ARHGAP45: variants seen among roughly 807,000 people sequenced by gnomAD.
The protein encoded by ARHGAP45 is Rho GTPase activating protein 45, also known as rho GTPase-activating protein 45.
A neutral mutation model predicts 116.1 loss-of-function variants in ARHGAP45; 56 were observed. The ratio of observed to expected loss-of-function variants is 0.48; its 90% confidence interval spans 0.39 to 0.60. The LOEUF is 0.60. ARHGAP45 is among the 20% of genes least tolerant of loss of function. ARHGAP45 has a pLI of 0.00. For missense variants in ARHGAP45, 1,622 were observed against 1,601.0 expected (o/e 1.01, Z -0.22); for synonymous variants, 866 against 701.7 (o/e 1.23, Z -3.70).
At position 1,073,949 on chromosome 19, in the gene ARHGAP45, C is replaced by G. The variant is rs745497349; in HGVS notation, c.725C>G (p.Ser242Cys). Reference sequence around the variant, plus strand: ...CTCACCTGCGTCTCCGTCCTACAGTCCATGGAAAGCCTGTATGGACCGGGC... The same window carrying G: ...CTCACCTGCGTCTCCGTCCTACAGTGCATGGAAAGCCTGTATGGACCGGGC... ...LAVPPGDSSQ[S>C]MESLYGPGSE... The change falls in exon 6 of 23, where the codon TCC (serine) becomes TGC (cysteine). Residue 242 changes from serine to cysteine, a missense_variant and splice_region_variant. Coordinates refer to ENST00000313093, the MANE Select transcript of ARHGAP45 (RefSeq NM_012292.5). The G allele has an allele frequency of 4.5e-5, 71 of 1,573,478 alleles. No homozygotes were observed. The highest frequency in any genetic ancestry group is 5.9e-5 in the Non-Finnish European group (68 of 1,160,412).
intron 7 of ARHGAP45, 35 bp downstream of exon 7, chr19:1,074,276 G>T: frequency 6.2e-7 from 1 of 1,612,088 alleles, no homozygotes. Flanking sequence ...TGGGTCTGGA[G>T]GGAGGGGGTT....
intron 10 of ARHGAP45, chr19:1,077,328 G>T: frequency 1.0e-6 from 1 of 985,072 alleles, no homozygotes; most frequent in Non-Finnish European, 1.2e-6. Context: ...GGGCACACAG[G>T]ACACCCATTT....
Position 1,082,950 on chromosome 19 carries a change from C to T in ARHGAP45, c.2628C>T (p.Asp876=), listed in dbSNP as rs371530374. The T allele has an allele frequency of 7.4e-4, 1,164 of 1,574,256 alleles. 24 individuals are homozygous for T. In the South Asian group the frequency reaches 0.013, roughly 17 times the overall value. ...EAKAASRGRQ[D]GSESEAVAVA... is the part of the protein sequence containing the mutation. Reference sequence around the variant, plus strand: ...AGGCGGCGTCCCGGGGCCGGCAGGACGGCTCGGAGAGCGAGGCAGTGGCGG... The same window carrying T: ...AGGCGGCGTCCCGGGGCCGGCAGGATGGCTCGGAGAGCGAGGCAGTGGCGG... The change falls in exon 20 of 23, where the codon GAC becomes GAT. Residue 876 remains aspartate (D), a synonymous_variant. Coordinates refer to ENST00000313093, the MANE Select transcript of ARHGAP45 (RefSeq NM_012292.5).
rs2043197593 is a variant in ARHGAP45, at chr19:1,074,361, G to C, written c.947G>C (p.Gly316Ala). ...RTTLEMEFAK[G>A]LQKIAHNCRQ... Reference sequence around the variant, plus strand: ...CCCGCAGAGATGGAGTTTGCCAAGGGCCTGCAGAAGATCGCTCACAACTGC... The same window carrying C: ...CCCGCAGAGATGGAGTTTGCCAAGGCCCTGCAGAAGATCGCTCACAACTGC... The change falls in exon 8 of 23, where the codon GGC (glycine) becomes GCC (alanine). Residue 316 changes from glycine to alanine, a missense_variant. Transcript: ENST00000313093. 4 of 1,606,706 alleles carry C rather than the reference G, an allele frequency of 2.5e-6. No individual in the cohort carries two copies. The highest frequency in any genetic ancestry group is 2.5e-6 in the Non-Finnish European group (3 of 1,176,746).
At chr19:1,067,959 G>C (rs11670156) in intron 1 of ARHGAP45, among the ~76,000 whole-genome samples, 2 of 144,798 alleles carry the variant, frequency 1.4e-5, no homozygotes, top group South Asian at 4.8e-4. Context: ...AAAGCTGGGG[G>C]GGGGGTCTAC....
intron 22 of ARHGAP45, among the ~76,000 whole-genome samples, chr19:1,084,953 GCA>G (rs911873987): frequency 6.6e-6 from 1 of 152,090 alleles, no homozygotes; most frequent in African/African-American, 2.4e-5. Context: ...GTGGTGGAGG[GCA>G]CCTGTAATCC....
At chr19:1,079,036 T>C (rs959382994) in intron 11 of ARHGAP45, among the ~76,000 whole-genome samples, 45 of 151,222 alleles carry the variant, frequency 3.0e-4, no homozygotes, top group Admixed American at 5.3e-4. Context: ...AAAAATTAGC[T>C]GGGCGTAGTG....
rs2043391142 is a variant in ARHGAP45, at chr19:1,080,251, C to T, written c.1704-4C>T. 6.2e-7 allele frequency: 1 copy of T among 1,612,548 alleles called. No homozygotes were observed. Among genetic ancestry groups the T allele is most frequent in the South Asian group, 1.1e-5 (1 of 91,060 alleles). On this transcript the variant is annotated splice_polypyrimidine_tract_variant and splice_region_variant and intron_variant, in intron 13 of 22. Coordinates refer to ENST00000313093, the MANE Select transcript of ARHGAP45 (RefSeq NM_012292.5). ...CCCCTCCTTTTCCCGGTTTCTTCCACTAGGTCCCCCGTCATGCGTGCCCGG... is the reference window on the plus strand; with the variant it reads ...CCCCTCCTTTTCCCGGTTTCTTCCATTAGGTCCCCCGTCATGCGTGCCCGG...
chr19:1,080,416 T>G (rs1187411032), intron 14 of ARHGAP45, 37 bp downstream of exon 14: 1 of 1,609,920 alleles, frequency 6.2e-7, no homozygotes, highest in Non-Finnish European at 8.5e-7. Context: ...GGACGCTGGC[T>G]CCCTGCGACC....
At chr19:1,067,634 G>T (rs1013981455) in intron 1 of ARHGAP45, 139 bp downstream of exon 1, 1 of 848,108 alleles carries the variant, frequency 1.2e-6, no homozygotes, top group African/African-American at 1.7e-5. Flanking sequence ...GGACGGCAGG[G>T]GCCACAGCAG....
chr19:1,085,635 C>T (rs922243622), intron 22 of ARHGAP45, 25 bp from the exon 23 acceptor site: 2 of 1,486,492 alleles, frequency 1.3e-6, no homozygotes, highest in East Asian at 2.4e-5. Context: ...TCTGTCTCCC[C>T]CCGCCATCTG....
rs2043370347 is a variant in ARHGAP45 at position 1,079,703 on chromosome 19, GC to G, written c.1376del (p.Ala459GlyfsTer27). The G allele has an allele frequency of 6.2e-7, 1 of 1,612,302 alleles. No homozygotes were observed. The highest frequency in any genetic ancestry group is 8.5e-7 in the Non-Finnish European group (1 of 1,179,654). On this transcript the variant is annotated frameshift_variant and splice_region_variant, in exon 12 of 23. Transcript: ENST00000313093. LOFTEE classifies it high-confidence loss of function. ...RRLEEEAKNK[A>X]EEAMATYRTC... is the part of the protein sequence containing the mutation. The stretch of plus-strand genomic sequence containing the variant: ...TCTGTGCGCCCCGCCCCCACCGCAG[GC>G]GGAGGAAGCTATGGCCACCTACCGC...
At chr19:1,074,496 G>A (rs1409647746) in intron 8 of ARHGAP45, 89 bp downstream of exon 8, 8 of 1,412,450 alleles carry the variant, frequency 5.7e-6, no homozygotes, top group Middle Eastern at 2.5e-4. Context: ...CAAGAGCAGG[G>A]GCTTCCCCTC....
At chr19:1,079,599 G>T in intron 11 of ARHGAP45, 104 bp from the exon 12 acceptor site, 2 of 1,451,058 alleles carry the variant, frequency 1.4e-6, no homozygotes. Flanking sequence ...GTGGCCTCCC[G>T]AGGCGCTGGG....
At chr19:1,084,578 C>G (rs949592551) in intron 22 of ARHGAP45, among the ~76,000 whole-genome samples, 2 of 152,202 alleles carry the variant, frequency 1.3e-5, no homozygotes, top group African/African-American at 4.8e-5. Flanking sequence ...CACTCAGAAA[C>G]CAGTAACGTG....
chr19:1,085,721 C>T lies in ARHGAP45; in HGVS notation c.3126C>T (p.Ser1042=). 1 of 1,611,560 alleles carries T rather than the reference C, an allele frequency of 6.2e-7. No individual in the cohort carries two copies. The change falls in exon 23 of 23, where the codon TCC becomes TCT. Residue 1042 remains serine, a synonymous_variant. Coordinates refer to ENST00000313093, the MANE Select transcript of ARHGAP45 (RefSeq NM_012292.5). ...TAGAGGAGGCCTCCGAGCTGCTGTC[C>T]TCATCGGAGGCCAGTGCCCTGGGCC... is the stretch of plus-strand genomic sequence containing the variant. ...SDLEEASELL[S]SSEASALGHL...
At chr19:1,079,681 G>T (rs746102717) in intron 11 of ARHGAP45, 22 bp from the exon 12 acceptor site, 2 of 1,611,596 alleles carry the variant, frequency 1.2e-6, no homozygotes, top group South Asian at 2.2e-5. Flanking sequence ...GCCTCTCTCT[G>T]TGCGCCCCGC....
At position 1,077,907 on chromosome 19, in the gene ARHGAP45, C is replaced by A. The variant is rs1221230580; in HGVS notation, c.1236C>A (p.Arg412=). ...AGGCCAAGCAGGGTTACGTGCAGCG[C>A]TGCGAGGACCACGACAAGGCTCGCT... ...LRKAKQGYVQ[R]CEDHDKARFL... is the part of the protein sequence containing the mutation. Residue 412 remains arginine, a synonymous_variant, in exon 11 of 23, where the codon CGC becomes CGA. Transcript: ENST00000313093. 1.3e-6 allele frequency: 2 copies of A among 1,554,378 alleles called. No individual in the cohort carries two copies. Among genetic ancestry groups the A allele is most frequent in the Non-Finnish European group, 1.7e-6 (2 of 1,148,640 alleles).
Position 1,083,059 on chromosome 19 carries a change from C to G in ARHGAP45, c.2737C>G (p.Leu913Val). ...RASLQYLLRH[L>V]RRIVEVEQDN... The stretch of plus-strand genomic sequence containing the variant: ...CTCGCTGCAGTACCTGCTGCGTCAC[C>G]TACGCAGGTGAGTCCCGGCATATGG... The change falls in exon 20 of 23, where the codon CTA becomes GTA. Residue 913 changes from leucine to valine, a missense_variant. By Grantham distance (32) the Leu-to-Val change is conservative. This residue lies in a region of ARHGAP45 where 1,334 missense variants were observed against 1,263.8 expected (regional missense o/e 1.06). Coordinates refer to ENST00000313093, the MANE Select transcript of ARHGAP45 (RefSeq NM_012292.5). 1 of 1,549,606 alleles carries G rather than the reference C, an allele frequency of 6.5e-7. No homozygotes were observed. Among genetic ancestry groups the G allele is most frequent in the Non-Finnish European group, 8.7e-7 (1 of 1,151,928 alleles).
Sources: allele counts gnomAD v4.1 joint callset (sites outside exome capture counted in the v4.1 genomes callset), GRCh38; gene constraint gnomAD v4.1.1; regional missense constraint gnomAD v4.1.1; transcripts MANE v1.5; gene names NCBI Gene and HGNC (gene_info 2026-07-23, HGNC 2026-07-21).